Variants in F8 observed in about 807,000 individuals in gnomAD.
F8 encodes the protein coagulation factor VIII, also known as antihemophilic factor.
In F8, 12 loss-of-function variants were observed where a neutral mutation model predicts 140.6. The ratio of observed to expected loss-of-function variants is 0.09; its 90% CI spans 0.05 to 0.14. F8 has a LOEUF of 0.14. Among genes scored for constraint, F8 ranks in the 10% least tolerant of loss-of-function variants. The probability of loss-of-function intolerance (pLI) is 1.00; values close to 1 mark genes in which losing one functional copy is unlikely to be tolerated. For synonymous variants in F8, 585 were observed against 614.6 expected (o/e 0.95, Z 0.71); for missense variants, 1,354 against 1,720.7 (o/e 0.79, Z 3.77).
chrX:154,964,890 A>T (rs1207759582), intron 9 of F8, among the ~76,000 whole-genome samples: 4 of 111,930 alleles, frequency 3.6e-5, no homozygotes, highest in Non-Finnish European at 5.6e-5. Flanking sequence ...AAATATCATA[A>T]AGGAGTTAAA....
intron 22 of F8, 86 bp downstream of exon 22, chrX:154,895,991 A>G: frequency 6.5e-6 from 6 of 925,453 alleles, no homozygotes; most frequent in Non-Finnish European, 9.3e-6. Flanking sequence ...AAGTTTGTGG[A>G]AGCTAAGAGT....
chrX:154,963,502 C>T (rs375341704), intron 9 of F8, among the ~76,000 whole-genome samples: 29 of 111,741 alleles, frequency 2.6e-4, no homozygotes, highest in African/African-American at 9.1e-4. Context: ...AGTAGTGCCG[C>T]AATAAACATA....
rs189751603 is a variant in F8, at chrX:154,917,727, G to A, written c.5219+10844C>T. Among the ~76,000 whole-genome samples the A allele has an allele frequency of 5.8e-3, 643 of 110,896 alleles. 8 individuals carry two copies. Among genetic ancestry groups the A allele is most frequent in the African/African-American group, 0.02 (611 of 30,417 alleles). ...AGTTCCGCTGTTTAGACTTTCCAGTGCATTTTTTTTTTCCGTTCAGTTGTA... is the reference window on the plus strand; with the variant it reads ...AGTTCCGCTGTTTAGACTTTCCAGTACATTTTTTTTTTCCGTTCAGTTGTA... On this transcript the variant is annotated intron_variant, in intron 14 of 25. Transcript: ENST00000360256.
intron 21 of F8, chrX:154,897,945 G>A (rs1342078252): frequency 8.9e-6 from 1 of 112,404 alleles, no homozygotes; most frequent in Non-Finnish European, 1.9e-5. Context: ...GCACCTGGGA[G>A]CAGTTTGACA....
chrX:154,959,878 A>T (rs1161066794), intron 10 of F8, among the ~76,000 whole-genome samples: 2 of 112,581 alleles, frequency 1.8e-5, no homozygotes, highest in Non-Finnish European at 3.8e-5. Context: ...AAAATAATAC[A>T]AATGCTGTTT....
chrX:154,972,013 C>A (rs1403719485), intron 6 of F8, among the ~76,000 whole-genome samples: 1 of 111,998 alleles, frequency 8.9e-6, no homozygotes, highest in African/African-American at 3.2e-5. Flanking sequence ...CTTCAACATG[C>A]TGATTTCATT....
At chrX:154,923,532 T>G (rs1557277722) in intron 14 of F8, among the ~76,000 whole-genome samples, 1 of 111,868 alleles carries the variant, frequency 8.9e-6, no homozygotes, top group African/African-American at 3.3e-5. Flanking sequence ...TGAGAACTGA[T>G]GGTTTTAAAA....
chrX:154,903,280 A>G (rs1398071649), intron 18 of F8, among the ~76,000 whole-genome samples: 1 of 110,741 alleles, frequency 9.0e-6, no homozygotes, highest in South Asian at 3.8e-4. Flanking sequence ...GGCTCAAGCA[A>G]TCCTTCCACT....
chrX:154,957,208 G>T, intron 10 of F8, 37 bp from the exon 11 acceptor site: 1 of 1,018,687 alleles, frequency 9.8e-7, no homozygotes, highest in Non-Finnish European at 1.4e-6. Context: ...CTCAATTAGA[G>T]TACAACAAGC....
intron 14 of F8, chrX:154,919,474 C>G (rs148992451): frequency 4.8e-6 from 1 of 207,864 alleles, no homozygotes. Context: ...GAAGTAGCAG[C>G]AAAAGTGTCC....
intron 1 of F8, among the ~76,000 whole-genome samples, chrX:155,022,171 G>T (rs1218212003): frequency 8.9e-6 from 1 of 111,837 alleles, no homozygotes; most frequent in African/African-American, 3.3e-5. Context: ...AGCATATGAC[G>T]AAGAGAAGCA....
chrX:154,914,946 C>G (rs782367234), intron 14 of F8, among the ~76,000 whole-genome samples: 1 of 111,782 alleles, frequency 8.9e-6, no homozygotes, highest in South Asian at 3.8e-4. Context: ...AGTCTGTTCT[C>G]ATACTGCTAT....
chrX:154,965,099 C>G (rs2073416731), intron 9 of F8, among the ~76,000 whole-genome samples: 1 of 111,704 alleles, frequency 9.0e-6, no homozygotes, highest in South Asian at 3.7e-4. Flanking sequence ...ACAATTTGAC[C>G]ACTAACCAGG....
chrX:154,944,891 T>C (rs1466132761), intron 13 of F8, among the ~76,000 whole-genome samples: 6 of 110,464 alleles, frequency 5.4e-5, no homozygotes, highest in Admixed American at 1.9e-4. Flanking sequence ...AAATTGGAAA[T>C]CATCATTCTC....
At chrX:154,985,872 G>T (rs1035310742) in intron 5 of F8, among the ~76,000 whole-genome samples, 9 of 112,310 alleles carry the variant, frequency 8.0e-5, no homozygotes, top group African/African-American at 2.6e-4. Flanking sequence ...GTTACAGGGA[G>T]CAGAGAGGAG....
At chrX:154,938,704 C>A (rs1426149118) in intron 13 of F8, among the ~76,000 whole-genome samples, 1 of 110,473 alleles carries the variant, frequency 9.1e-6, no homozygotes, top group Non-Finnish European at 1.9e-5. Flanking sequence ...ATATGTAAAT[C>A]CAACCAAGGA....
chrX:154,848,425 T>G (rs2072587835), intron 25 of F8, among the ~76,000 whole-genome samples: 1 of 112,987 alleles, frequency 8.9e-6, no homozygotes, highest in Admixed American at 9.3e-5. Flanking sequence ...TGAGCTGCGG[T>G]GGGCTCCACC....
chrX:154,861,674 C>A (rs376007508), intron 24 of F8, 44 bp downstream of exon 24: 2 of 1,203,564 alleles, frequency 1.7e-6, no homozygotes, highest in Non-Finnish European at 2.3e-6. Context: ...TTTTCCCCAA[C>A]CACTGCTCTG....
intron 1 of F8, among the ~76,000 whole-genome samples, chrX:155,020,645 A>T (rs1557287436): frequency 8.9e-6 from 1 of 112,311 alleles, no homozygotes; most frequent in Non-Finnish European, 1.9e-5. Flanking sequence ...GGTTCTCATA[A>T]TTTTTTTAAA....
Sources: allele counts gnomAD v4.1 joint callset (sites outside exome capture counted in the v4.1 genomes callset), GRCh38; gene constraint gnomAD v4.1.1; transcripts MANE v1.5; gene names NCBI Gene and HGNC (gene_info 2026-07-23, HGNC 2026-07-21).